The following LRRC7 variants were observed in gnomAD, a reference collection of about 807,000 sequenced individuals.
LRRC7 encodes leucine rich repeat containing 7.
A neutral mutation model predicts 175.7 loss-of-function variants in LRRC7; 23 were observed. The observed-to-expected ratio is 0.13, with a 90% CI of 0.09 to 0.19. LRRC7 has a LOEUF of 0.19. LRRC7 is among the 10% of genes least tolerant of loss of function. The pLI is 1.00. For missense variants in LRRC7, 1,354 were observed against 1,904.7 expected, an observed-to-expected ratio of 0.71 and a Z score of 5.38; for synonymous variants, 685 against 680.9, an observed-to-expected ratio of 1.01 and a Z score of -0.09.
chr1:69,598,008 A>G (rs1646910751), intron 1 of LRRC7, among the ~76,000 whole-genome samples: 1 of 152,178 alleles, frequency 6.6e-6, no homozygotes, highest in African/African-American at 2.4e-5. Context: ...CATCTACCAA[A>G]CAGAATTTTT....
intron 7 of LRRC7, chr1:69,920,241 A>T (rs532030250): frequency 1.1e-3 from 173 of 153,572 alleles, no homozygotes; most frequent in Non-Finnish European, 2.0e-3. Flanking sequence ...GCAAAAGCAA[A>T]CACTCGTGGG....
At chr1:69,931,648 G>T in intron 8 of LRRC7, 78 bp downstream of exon 8, 2 of 1,149,542 alleles carry the variant, frequency 1.7e-6, no homozygotes, top group Non-Finnish European at 1.3e-6. Flanking sequence ...GTAAACCAAG[G>T]TATTAACTTG....
At chr1:69,839,982 A>G (rs1681548054) in intron 7 of LRRC7, among the ~76,000 whole-genome samples, 1 of 152,024 alleles carries the variant, frequency 6.6e-6, no homozygotes, top group South Asian at 2.1e-4. Context: ...ATTAAGTAGA[A>G]TAATATGCAT....
At chr1:70,001,438 C>A (rs1655511769) in intron 11 of LRRC7, among the ~76,000 whole-genome samples, 1 of 152,074 alleles carries the variant, frequency 6.6e-6, no homozygotes, top group Admixed American at 6.6e-5. Flanking sequence ...TCGTTTTATT[C>A]TCATTTTAGT....
At chr1:69,976,873 C>T (rs1160327089) in intron 8 of LRRC7, among the ~76,000 whole-genome samples, 1 of 152,146 alleles carries the variant, frequency 6.6e-6, no homozygotes, top group Non-Finnish European at 1.5e-5. Context: ...CGTGATACTT[C>T]TAAGTTGTAT....
chr1:69,766,868 C>T (rs560998434), intron 3 of LRRC7, among the ~76,000 whole-genome samples: 6 of 152,248 alleles, frequency 3.9e-5, no homozygotes, highest in African/African-American at 1.4e-4. Context: ...TAAACTTACA[C>T]TGTCTTTTTT....
intron 14 of LRRC7, 116 bp downstream of exon 14, chr1:70,016,650 T>A: frequency 1.3e-6 from 1 of 756,722 alleles, no homozygotes; most frequent in Non-Finnish European, 1.9e-6. Flanking sequence ...TAGATTGTTT[T>A]TATCCCCAGA....
intron 8 of LRRC7, among the ~76,000 whole-genome samples, chr1:69,968,109 AT>A (rs1651847110): frequency 6.6e-6 from 1 of 152,132 alleles, no homozygotes; most frequent in Admixed American, 6.5e-5. Flanking sequence ...TAAATAAAAA[AT>A]AATCAAAACT....
At chr1:69,842,115 C>T (rs909561795) in intron 7 of LRRC7, among the ~76,000 whole-genome samples, 2 of 151,916 alleles carry the variant, frequency 1.3e-5, no homozygotes, top group African/African-American at 4.8e-5. Context: ...AGTATAACTG[C>T]TTTTTATTAA....
chr1:69,665,249 GT>G (rs1248798082), intron 1 of LRRC7, among the ~76,000 whole-genome samples: 1 of 152,066 alleles, frequency 6.6e-6, no homozygotes, highest in Non-Finnish European at 1.5e-5. Context: ...GATTCCTTCA[GT>G]TTCCTTCTTT....
intron 7 of LRRC7, among the ~76,000 whole-genome samples, chr1:69,925,585 C>T (rs1033999142): frequency 4.6e-5 from 7 of 152,044 alleles, no homozygotes; most frequent in Non-Finnish European, 1.0e-4. Context: ...AGTTTATTTG[C>T]ATAGAGGTGT....
At chr1:69,820,514 C>T (rs989590414) in intron 4 of LRRC7, among the ~76,000 whole-genome samples, 12 of 152,108 alleles carry the variant, frequency 7.9e-5, no homozygotes, top group African/African-American at 2.4e-4. Flanking sequence ...GCTATCTCTT[C>T]CCTAGCCCCC....
intron 2 of LRRC7, among the ~76,000 whole-genome samples, chr1:69,700,304 T>A (rs539525446): frequency 1.3e-5 from 2 of 152,322 alleles, no homozygotes; most frequent in South Asian, 4.1e-4. Flanking sequence ...GAAGCAACAG[T>A]AAGTATTGAG....
At chr1:69,970,766 C>A (rs2101866509) in intron 8 of LRRC7, among the ~76,000 whole-genome samples, 1 of 152,228 alleles carries the variant, frequency 6.6e-6, no homozygotes, top group South Asian at 2.1e-4. Context: ...GGAACCCTCC[C>A]TAAATCATTG....
intron 7 of LRRC7, among the ~76,000 whole-genome samples, chr1:69,906,034 T>G (rs910976626): frequency 6.6e-5 from 10 of 152,252 alleles, no homozygotes; most frequent in Non-Finnish European, 4.4e-5. Context: ...GTTCATGTGT[T>G]TTTTGGCTGC....
At chr1:69,588,819 C>G (rs1227630094) in intron 1 of LRRC7, among the ~76,000 whole-genome samples, 1 of 152,094 alleles carries the variant, frequency 6.6e-6, no homozygotes, top group African/African-American at 2.4e-5. Flanking sequence ...CAAAATATAA[C>G]TTTAAAAAAT....
intron 7 of LRRC7, among the ~76,000 whole-genome samples, chr1:69,922,553 G>A (rs920638062): frequency 5.9e-5 from 9 of 152,130 alleles, no homozygotes; most frequent in African/African-American, 2.2e-4. Context: ...CTTAAACTTG[G>A]GAGAAAATAG....
intron 26 of LRRC7, among the ~76,000 whole-genome samples, chr1:70,108,607 T>G (rs1235953739): frequency 6.6e-6 from 1 of 152,196 alleles, no homozygotes; most frequent in East Asian, 1.9e-4. Flanking sequence ...GTATTTTGAC[T>G]TAGAACCCCA....
intron 1 of LRRC7, among the ~76,000 whole-genome samples, chr1:69,645,718 A>T (rs916328696): frequency 5.3e-5 from 8 of 152,060 alleles, no homozygotes; most frequent in African/African-American, 1.9e-4. Context: ...TTTAATTAAT[A>T]AGTGTATCCT....
Sources: gnomAD v4.1 joint callset for allele counts (sites outside exome capture counted in the v4.1 genomes callset) on GRCh38, gnomAD v4.1.1 for gene constraint, MANE v1.5 for transcripts, NCBI Gene and HGNC (gene_info 2026-07-23, HGNC 2026-07-21) for gene names.